Variants in ARRDC5 observed in about 807,000 individuals in gnomAD.
The protein encoded by ARRDC5 is arrestin domain-containing protein 5.
ARRDC5 carries 12 observed loss-of-function variants against 13.3 expected under a neutral mutation model. The ratio of observed to expected loss-of-function variants is 0.90; its 90% CI spans 0.58 to 1.46. The LOEUF (loss-of-function observed/expected upper bound fraction) is 1.46. ARRDC5 is among the 40% of genes most tolerant of loss of function. The pLI is 0.00. For missense variants in ARRDC5, 406 were observed against 418.7 expected, an observed-to-expected ratio of 0.97 and a Z score of 0.26; for synonymous variants, 181 against 173.4, an observed-to-expected ratio of 1.04 and a Z score of -0.34.
rs944993801 is a variant in ARRDC5 at position 4,890,682 on chromosome 19, C to T, written c.*364G>A. On this transcript the variant is annotated 3_prime_UTR_variant, in exon 3 of 3. Coordinates refer to ENST00000650722, the MANE Select transcript of ARRDC5 (RefSeq NM_001080523.3). ...CCACGCCAATAAGACTCTTCTCCCCCGATCCCCTGCAGTTGTGACAGCCAA... is the reference window on the plus strand; with the variant it reads ...CCACGCCAATAAGACTCTTCTCCCCTGATCCCCTGCAGTTGTGACAGCCAA... The T allele has an allele frequency of 1.3e-4, 34 of 263,068 alleles. No homozygotes were observed. Among genetic ancestry groups the T allele is most frequent in the African/African-American group, 5.3e-4 (24 of 45,004 alleles). The allele number at this position is 263,068 out of a possible 1,614,324, so 16.3% of individuals were successfully genotyped here.
intron 1 of ARRDC5, 56 bp downstream of exon 1, chr19:4,902,517 T>C: frequency 6.4e-7 from 1 of 1,558,644 alleles, no homozygotes; most frequent in Non-Finnish European, 8.8e-7. Context: ...GATGTGTTTA[T>C]TTTCCAGACC....
chr19:4,902,730 G>C lies in ARRDC5; in HGVS notation c.96C>G (p.Asn32Lys). 1 of 1,614,036 alleles carries C rather than the reference G, an allele frequency of 6.2e-7. No homozygotes were observed. The highest frequency in any genetic ancestry group is 8.5e-7 in the Non-Finnish European group (1 of 1,179,906). The change falls in exon 1 of 3, where the codon AAC (asparagine) becomes AAG (lysine). Residue 32 changes from asparagine (N) to lysine (K), a missense_variant. Physicochemically the swap from Asn to Lys is moderately conservative, Grantham distance 94. Transcript: ENST00000650722. ...TCACTATGGGGTCCACCAGGGTGCTGTTCAGGGTTAAGATCACCTGCCCTT... is the reference window on the plus strand; with the variant it reads ...TCACTATGGGGTCCACCAGGGTGCTCTTCAGGGTTAAGATCACCTGCCCTT... Reference protein sequence around the residue: ...SIKGQVILTLNSTLVDPIVKV... With the variant: ...SIKGQVILTLKSTLVDPIVKV...
At position 4,899,764 on chromosome 19, in the gene ARRDC5, CAAAAAAAAA is replaced by C. The variant is rs1217500792; in HGVS notation, c.253+2800_253+2808del. Among the ~76,000 whole-genome samples, 182 of 67,980 alleles carry C rather than the reference CAAAAAAAAA, an allele frequency of 2.7e-3. No individual in the cohort carries two copies. The Middle Eastern group carries it at 0.051, about 19-fold the overall frequency. 44.6% of individuals were successfully genotyped at this position (67,980 alleles called of 152,430 possible). ...TTAACACGGTGAAACCCCGTCTCTA[CAAAAAAAAA>C]AAAAAAAAAAAAAAAATTAGCCAGG... is the stretch of plus-strand genomic sequence containing the variant. On this transcript the variant is annotated intron_variant, in intron 1 of 2. Coordinates refer to ENST00000650722, the MANE Select transcript of ARRDC5 (RefSeq NM_001080523.3).
chr19:4,902,650 G>A lies in ARRDC5; in HGVS notation c.176C>T (p.Ser59Phe), dbSNP rs761273248. 2.5e-6 allele frequency: 4 copies of A among 1,613,988 alleles called. No homozygotes were observed. Among genetic ancestry groups the A allele is most frequent in the Admixed American group, 3.3e-5 (2 of 60,006 alleles). Residue 59 changes from serine to phenylalanine, a missense_variant, in exon 1 of 3, where the codon TCC (serine) becomes TTC (phenylalanine). Ser to Phe is a radical substitution (Grantham distance 155, BLOSUM62 -2). Transcript: ENST00000650722. ...YVEWSEEAGA[S>F]CDYSRNVICN... ...AATAACATTTCTGCTATAATCACAG[G>A]ATGCCCCGGCTTCTTCACTCCATTC...
chr19:4,903,874 T>C (rs2032002338), upstream of ARRDC5, among the ~76,000 whole-genome samples: 1 of 152,340 alleles, frequency 6.6e-6, no homozygotes, highest in Middle Eastern at 3.4e-3. Flanking sequence ...CATAGAGATA[T>C]GGCCAGGACC....
At chr19:4,909,317 G>A in the ARRDC5 span, 2 of 556,172 alleles carry the variant, frequency 3.6e-6, no homozygotes, top group South Asian at 2.1e-5. Context: ...AGCAGAGCGC[G>A]CAGGGCTGGG....
At chr19:4,908,024 A>G in the ARRDC5 span, among the ~76,000 whole-genome samples, 1 of 152,086 alleles carries the variant, frequency 6.6e-6, no homozygotes, top group Admixed American at 6.6e-5. Flanking sequence ...TGGCCTGATC[A>G]TTGTAAAGCC....
At chr19:4,910,906 C>A in the ARRDC5 span, 1 of 1,612,748 alleles carries the variant, frequency 6.2e-7, no homozygotes, top group East Asian at 2.2e-5. Context: ...AGGTTCGGAC[C>A]ATGGACGGGA....
At position 4,894,361 on chromosome 19, in the gene ARRDC5, A is replaced by T. The variant is rs1311584488; in HGVS notation, c.459+2310T>A. 8.0e-5 allele frequency among the ~76,000 whole-genome samples: 12 copies of T among 150,532 alleles called. No homozygotes were observed. The Admixed American group carries it at 8.0e-4, about 10-fold the overall frequency. On this transcript the variant is annotated intron_variant, in intron 2 of 2. Coordinates refer to ENST00000650722, the MANE Select transcript of ARRDC5 (RefSeq NM_001080523.3). ...CCCGTCTCTACTAAAAATACAAAAA[A>T]TTAGCCGGGCGTAGTGGCAGGCGCC...
At chr19:4,899,954 TAAAA>T (rs2031862688) in intron 1 of ARRDC5, among the ~76,000 whole-genome samples, 1 of 147,380 alleles carries the variant, frequency 6.8e-6, no homozygotes, top group Non-Finnish European at 1.5e-5. Flanking sequence ...AGTAAATAAA[TAAAA>T]GAAAAGAAAA....
At chr19:4,912,292 G>A in the ARRDC5 span, among the ~76,000 whole-genome samples, 22 of 152,220 alleles carry the variant, frequency 1.4e-4, no homozygotes, top group African/African-American at 5.3e-4. Context: ...CCTATGATGC[G>A]TGCTCCCTTT....
chr19:4,916,348 G>C, the ARRDC5 span, among the ~76,000 whole-genome samples: 4 of 151,682 alleles, frequency 2.6e-5, no homozygotes, highest in Non-Finnish European at 4.4e-5. Context: ...GAGAAATTCA[G>C]AGCACAAGAA....
At chr19:4,915,248 G>C in the ARRDC5 span, among the ~76,000 whole-genome samples, 1 of 152,110 alleles carries the variant, frequency 6.6e-6, no homozygotes, top group Admixed American at 6.6e-5. Context: ...CGGGAGGGAG[G>C]GTCCCCACCA....
At chr19:4,902,263 C>T (rs73530787) in intron 1 of ARRDC5, among the ~76,000 whole-genome samples, 2,089 of 152,294 alleles carry the variant, frequency 0.014, 42 homozygotes, top group African/African-American at 0.048. Flanking sequence ...CAGAGTGAAA[C>T]TTATCTGTAA....
rs1451703310 is a variant in ARRDC5 at position 4,896,968 on chromosome 19, T to C, written c.254-92A>G. 2.6e-5 allele frequency: 24 copies of C among 923,750 alleles called. No individual in the cohort carries two copies. In the East Asian group the frequency reaches 3.0e-4, roughly 11 times the overall value. The allele number at this position is 923,750 out of a possible 1,614,324, so 57.2% of individuals were successfully genotyped here. A position where few individuals can be genotyped will look rare whatever the true frequency, so the allele number is the denominator to read the frequency against. On this transcript the variant is annotated intron_variant, in intron 1 of 2. Coordinates refer to ENST00000650722, the MANE Select transcript of ARRDC5 (RefSeq NM_001080523.3). ...TTTTTGCTTTATTTTTATATTTATTTATTTTTGAGACACGGTCTCACTCTG... is the reference window on the plus strand; with the variant it reads ...TTTTTGCTTTATTTTTATATTTATTCATTTTTGAGACACGGTCTCACTCTG...
At position 4,896,603 on chromosome 19, in the gene ARRDC5, G is replaced by T. The variant is rs377758626; in HGVS notation, c.459+68C>A. The T allele has an allele frequency of 1.0e-4, 129 of 1,237,818 alleles. No homozygotes were observed. The African/African-American group carries it at 1.7e-3, about 16-fold the overall frequency. 76.7% of individuals were successfully genotyped at this position (1,237,818 alleles called of 1,614,324 possible). A position where few individuals can be genotyped will look rare whatever the true frequency, so the allele number is the denominator to read the frequency against. On this transcript the variant is annotated intron_variant, in intron 2 of 2. Transcript: ENST00000650722. The stretch of plus-strand genomic sequence containing the variant: ...ATGGGACCTTCTCTGTCCCCTGCCT[G>T]CCCACCTTCCCTCTTCCTCCTTGGA...
At chr19:4,905,682 T>C (rs552407053), upstream of ARRDC5, among the ~76,000 whole-genome samples, 87 of 152,148 alleles carry the variant, frequency 5.7e-4, no homozygotes, top group African/African-American at 2.0e-3. Context: ...CACATCTGGC[T>C]AATTTTTGTA....
At chr19:4,895,431 A>G (rs2031678286) in intron 2 of ARRDC5, among the ~76,000 whole-genome samples, 1 of 150,448 alleles carries the variant, frequency 6.6e-6, no homozygotes, top group Non-Finnish European at 1.5e-5. Flanking sequence ...TCAAAAAAAA[A>G]AAAAAAAAAA....
chr19:4,891,318 G>A lies in ARRDC5; in HGVS notation c.715C>T (p.Gln239Ter), dbSNP rs1194208784. ...SRLDSSELLR[Q>*]EANTPVTRFN... is the part of the protein sequence containing the mutation. ...CGGGTCACGGGGGTGTTGGCCTCCT[G>A]CCTCAGAAGCTCGCTGCTGTCCAGC... Residue 239 changes from glutamine (Q) to a stop codon, truncating the protein, a stop_gained, in exon 3 of 3, where the codon CAG (glutamine) becomes TAG (stop). Transcript: ENST00000650722. LOFTEE classifies it low-confidence loss of function (END_TRUNC). 1 of 1,613,950 alleles carries A rather than the reference G, an allele frequency of 6.2e-7. No homozygotes were observed.
Sources: allele counts gnomAD v4.1 joint callset (sites outside exome capture counted in the v4.1 genomes callset), GRCh38; gene constraint gnomAD v4.1.1; transcripts MANE v1.5; gene names NCBI Gene and HGNC (gene_info 2026-07-23, HGNC 2026-07-21).